The following CAMTA1 variants were observed in gnomAD, a reference collection of about 807,000 sequenced individuals.
CAMTA1 encodes the protein calmodulin-binding transcription activator 1.
A neutral mutation model predicts 170.9 loss-of-function variants in CAMTA1; 27 were observed. The observed-to-expected ratio is 0.16, with a 90% confidence interval of 0.12 to 0.22. CAMTA1 has a LOEUF of 0.22. CAMTA1 is among the 10% of genes least tolerant of loss of function. The pLI, the probability that CAMTA1 is intolerant of heterozygous loss-of-function variation, is 1.00. For missense variants in CAMTA1, 1,619 were observed against 2,217.2 expected, an observed-to-expected ratio of 0.73 and a Z score of 5.42; for synonymous variants, 833 against 891.5, an observed-to-expected ratio of 0.93 and a Z score of 1.17.
At chr1:7,120,445 T>C (rs896885139) in intron 4 of CAMTA1, among the ~76,000 whole-genome samples, 1 of 152,194 alleles carries the variant, frequency 6.6e-6, no homozygotes, top group Non-Finnish European at 1.5e-5. Context: ...TTCCTGGACA[T>C]GTGGGCCCTT....
rs552909623 is a variant in CAMTA1, at chr1:7,173,316, G to C, written c.303-76175G>C. ...AACAGAAGGCAGAGCGGGGTGCAGGGCCTGGCCGTGACTGAGGCTCCACGA... is the reference window on the plus strand; with the variant it reads ...AACAGAAGGCAGAGCGGGGTGCAGGCCCTGGCCGTGACTGAGGCTCCACGA... On this transcript the variant is annotated intron_variant, in intron 4 of 22. Coordinates refer to ENST00000303635, the MANE Select transcript of CAMTA1 (RefSeq NM_015215.4). This position sits in a 1 kb window ranked among gnomAD's most constrained non-coding sequence, Gnocchi z 5.4. Among the ~76,000 whole-genome samples, 81 of 152,324 alleles carry C rather than the reference G, an allele frequency of 5.3e-4. No homozygotes were observed. Among genetic ancestry groups the C allele is most frequent in the Admixed American group, 1.4e-3 (21 of 15,306 alleles).
At chr1:6,853,861 C>G (rs1387979632) in intron 3 of CAMTA1, among the ~76,000 whole-genome samples, 1 of 152,126 alleles carries the variant, frequency 6.6e-6, no homozygotes, top group Non-Finnish European at 1.5e-5. Context: ...CAGGAAGTTA[C>G]AACAGTTCTA....
chr1:7,696,169 G>T (rs1163131338), intron 11 of CAMTA1, among the ~76,000 whole-genome samples: 2 of 129,916 alleles, frequency 1.5e-5, no homozygotes, highest in Non-Finnish European at 3.3e-5. Flanking sequence ...TCTTTAATTA[G>T]ATCTCTAAGT....
chr1:6,990,377 T>C (rs1696154903), intron 3 of CAMTA1, among the ~76,000 whole-genome samples: 1 of 152,224 alleles, frequency 6.6e-6, no homozygotes, highest in African/African-American at 2.4e-5. Flanking sequence ...CTTTAACAAT[T>C]TGCTATATTT....
chr1:6,901,758 T>A (rs1676987332), intron 3 of CAMTA1, among the ~76,000 whole-genome samples: 1 of 152,036 alleles, frequency 6.6e-6, no homozygotes, highest in African/African-American at 2.4e-5. Flanking sequence ...AAACTGAAAC[T>A]CTTGCCTGGT....
intron 1 of CAMTA1, among the ~76,000 whole-genome samples, chr1:6,807,572 T>G (rs939858234): frequency 6.6e-6 from 1 of 151,994 alleles, no homozygotes; most frequent in Non-Finnish European, 1.5e-5. Flanking sequence ...TACAAAAAAT[T>G]AGCTGAGCGT....
At position 7,293,238 on chromosome 1, in the gene CAMTA1, G is replaced by C. The variant is rs1455625329; in HGVS notation, c.438+43612G>C. ...TGGGGAGCAAATGCAGACCTTGTCT[G>C]GGTGATGAGAGACCGCCACTCGTCT... On this transcript the variant is annotated intron_variant, in intron 5 of 22. Transcript: ENST00000303635. This position sits in a 1 kb window ranked among gnomAD's most constrained non-coding sequence, Gnocchi z 4.1. 6.6e-6 allele frequency among the ~76,000 whole-genome samples: 1 copy of C among 152,216 alleles called. No individual in the cohort carries two copies. The highest frequency in any genetic ancestry group is 1.5e-5 in the Non-Finnish European group (1 of 68,040).
chr1:7,047,234 G>A (rs2101535186), intron 3 of CAMTA1, among the ~76,000 whole-genome samples: 1 of 152,304 alleles, frequency 6.6e-6, no homozygotes, highest in East Asian at 1.9e-4. Flanking sequence ...TGAACTGTTA[G>A]GGTCAATTGT....
chr1:7,523,581 T>C (rs1173252126), intron 6 of CAMTA1, among the ~76,000 whole-genome samples: 1 of 152,196 alleles, frequency 6.6e-6, no homozygotes, highest in African/African-American at 2.4e-5. Flanking sequence ...AGTGTAGGCT[T>C]AAGAATTTCA....
chr1:7,486,027 C>T (rs1219151486), intron 6 of CAMTA1, among the ~76,000 whole-genome samples: 1 of 152,250 alleles, frequency 6.6e-6, no homozygotes, highest in Non-Finnish European at 1.5e-5. Context: ...CTGCCAGAAA[C>T]AGACCATGCT....
At chr1:6,821,438 AGCAC>A (rs1478508788) in intron 2 of CAMTA1, among the ~76,000 whole-genome samples, 4 of 152,298 alleles carry the variant, frequency 2.6e-5, no homozygotes, top group Admixed American at 6.5e-5. Flanking sequence ...ATTAAATCTA[AGCAC>A]ATAATAATTA....
At chr1:7,365,212 A>T (rs845264) in intron 5 of CAMTA1, among the ~76,000 whole-genome samples, 4 of 142,762 alleles carry the variant, frequency 2.8e-5, no homozygotes, top group Non-Finnish European at 4.5e-5. Context: ...GCCTTTGAGC[A>T]GCAAGCACCT....
intron 3 of CAMTA1, chr1:6,886,118 C>T (rs1673141922): frequency 4.8e-6 from 2 of 419,252 alleles, no homozygotes; most frequent in South Asian, 1.7e-5. Flanking sequence ...ACCATCTGCA[C>T]GTGGTTATGG....
chr1:7,308,061 GT>G (rs146072499), intron 5 of CAMTA1, among the ~76,000 whole-genome samples: 2,884 of 150,248 alleles, frequency 0.019, 66 homozygotes, highest in African/African-American at 0.056. Context: ...GGTTGTTGTT[GT>G]TTTTTTTTAA....
intron 5 of CAMTA1, among the ~76,000 whole-genome samples, chr1:7,336,225 C>T (rs1332119389): frequency 1.3e-5 from 2 of 152,180 alleles, no homozygotes; most frequent in African/African-American, 4.8e-5. Context: ...CCTGAGATGC[C>T]AGGAGCTCTA....
intron 3 of CAMTA1, among the ~76,000 whole-genome samples, chr1:6,885,973 C>T (rs1416573537): frequency 2.6e-5 from 4 of 152,214 alleles, no homozygotes; most frequent in East Asian, 1.9e-4. Context: ...ACCCTGGGCA[C>T]TGCTTCCCAT....
rs72859273 is a variant in CAMTA1, at chr1:7,186,784, C to T, written c.303-62707C>T. On this transcript the variant is annotated intron_variant, in intron 4 of 22. Coordinates refer to ENST00000303635, the MANE Select transcript of CAMTA1 (RefSeq NM_015215.4). ...TATTCCTTGCAATAAGCCAGGTCCA[C>T]GGAGAATGAATGCTGTAGTTTAGGG... 6.3e-3 allele frequency among the ~76,000 whole-genome samples: 963 copies of T among 152,254 alleles called. 12 individuals carry two copies. Among genetic ancestry groups the T allele is most frequent in the African/African-American group, 0.021 (871 of 41,540 alleles).
At chr1:7,083,540 C>T (rs1640312163) in intron 3 of CAMTA1, among the ~76,000 whole-genome samples, 1 of 152,142 alleles carries the variant, frequency 6.6e-6, no homozygotes, top group Non-Finnish European at 1.5e-5. Context: ...GACGGGAGCC[C>T]TGCCCTGTTG....
chr1:6,965,537 G>A lies in CAMTA1; in HGVS notation c.235-125767G>A, dbSNP rs1340483108. ...GCACTGGTAGCAGCTGAAGCAAGGC[G>A]GCTCTAGATGGAGGGAGGGGACAGG... On this transcript the variant is annotated intron_variant, in intron 3 of 22. Coordinates refer to ENST00000303635, the MANE Select transcript of CAMTA1 (RefSeq NM_015215.4). This position sits in a 1 kb window ranked among gnomAD's most constrained non-coding sequence, Gnocchi z 4.1. Among the ~76,000 whole-genome samples the A allele has an allele frequency of 6.6e-6, 1 of 152,070 alleles. No individual in the cohort carries two copies. The highest frequency in any genetic ancestry group is 2.4e-5 in the African/African-American group (1 of 41,400).
Sources: allele counts gnomAD v4.1 joint callset (sites outside exome capture counted in the v4.1 genomes callset), GRCh38; gene constraint gnomAD v4.1.1; non-coding constraint Gnocchi (gnomAD v3.1); transcripts MANE v1.5; gene names NCBI Gene and HGNC (gene_info 2026-07-23, HGNC 2026-07-21).